LDLRAD4: variants seen among roughly 807,000 people sequenced by gnomAD.
LDLRAD4 encodes the protein low-density lipoprotein receptor class A domain-containing protein 4.
In LDLRAD4, 5 loss-of-function variants were observed where a neutral mutation model predicts 17.0. That is an observed-to-expected ratio of 0.29 (90% CI 0.15 to 0.62). The LOEUF is 0.62. LDLRAD4 is among the 20% of genes least tolerant of loss of function. LDLRAD4 has a pLI of 0.84. For synonymous variants in LDLRAD4, 168 were observed against 171.8 expected (o/e 0.98, Z 0.17); for missense variants, 340 against 424.7 (o/e 0.80, Z 1.75).
chr18:13,297,352 T>G (rs1275343922), intron 1 of LDLRAD4, among the ~76,000 whole-genome samples: 7 of 152,190 alleles, frequency 4.6e-5, no homozygotes, highest in Non-Finnish European at 1.0e-4. Context: ...TGCTCTGTGG[T>G]GCACCTGTGG....
At chr18:13,642,236 GC>G in intron 4 of LDLRAD4, 1 of 986,518 alleles carries the variant, frequency 1.0e-6, no homozygotes, top group Non-Finnish European at 1.2e-6. Flanking sequence ...CGCTGCTGGC[GC>G]CGGGGCCGTC....
In LDLRAD4 at chr18:13,612,528, G is replaced by A. The variant is rs2039671023; in HGVS notation, c.182-8589G>A. On this transcript the variant is annotated intron_variant, in intron 3 of 5. Transcript: ENST00000359446. The stretch of plus-strand genomic sequence containing the variant: ...CTGATACAGTAGAGAGAGAGTGAAC[G>A]AGGCAGACAGAAACACACCCCCCCC... 6 of 1,414,594 alleles carry A rather than the reference G, an allele frequency of 4.2e-6. No individual in the cohort carries two copies. The African/African-American group carries it at 7.7e-5, about 18-fold the overall frequency. 87.6% of individuals were successfully genotyped at this position (1,414,594 alleles called of 1,614,324 possible). A position where few individuals can be genotyped will look rare whatever the true frequency, so the allele number is the denominator to read the frequency against.
chr18:13,563,948 T>C (rs796593586), intron 3 of LDLRAD4, among the ~76,000 whole-genome samples: 15 of 151,972 alleles, frequency 9.9e-5, no homozygotes, highest in African/African-American at 3.6e-4. Context: ...CTCTCTCACC[T>C]AAACTGGAGT....
chr18:13,253,969 T>C (rs1012951039), intron 1 of LDLRAD4, among the ~76,000 whole-genome samples: 5 of 152,214 alleles, frequency 3.3e-5, no homozygotes, highest in Non-Finnish European at 5.9e-5. Flanking sequence ...GAAGGCCCTG[T>C]GCTTGGGGGC....
chr18:13,627,286 A>G (rs906484330), intron 4 of LDLRAD4, among the ~76,000 whole-genome samples: 1 of 152,192 alleles, frequency 6.6e-6, no homozygotes, highest in African/African-American at 2.4e-5. Context: ...AAAAATAAAA[A>G]TTGTGAGATT....
chr18:13,260,645 G>A (rs763723048), intron 1 of LDLRAD4, among the ~76,000 whole-genome samples: 63 of 152,248 alleles, frequency 4.1e-4, no homozygotes, highest in Admixed American at 9.8e-4. Context: ...ATTATTTATT[G>A]TTGCTATTCT....
chr18:13,473,412 G>A (rs1331614024), intron 3 of LDLRAD4, among the ~76,000 whole-genome samples: 3 of 152,026 alleles, frequency 2.0e-5, no homozygotes, highest in Non-Finnish European at 4.4e-5. Context: ...GCTCATGCCT[G>A]TAATCCCAGC....
intron 1 of LDLRAD4, among the ~76,000 whole-genome samples, chr18:13,298,691 C>T (rs748911102): frequency 6.6e-6 from 1 of 151,846 alleles, no homozygotes; most frequent in African/African-American, 2.4e-5. Flanking sequence ...GATGTTGCCG[C>T]TTTGGGCATG....
At chr18:13,348,456 G>A (rs1177267827) in intron 1 of LDLRAD4, among the ~76,000 whole-genome samples, 1 of 152,168 alleles carries the variant, frequency 6.6e-6, no homozygotes, top group Non-Finnish European at 1.5e-5. Context: ...GGAGTACCTG[G>A]CTGTGTGAGG....
At chr18:13,477,758 A>G (rs1286852143) in intron 3 of LDLRAD4, among the ~76,000 whole-genome samples, 1 of 152,148 alleles carries the variant, frequency 6.6e-6, no homozygotes, top group East Asian at 1.9e-4. Context: ...CCATGTTCGC[A>G]TTTTGGAAGG....
rs1600367949 is a variant in LDLRAD4 at position 13,448,640 on chromosome 18, A to G, written c.181+10256A>G. ...AAGGAGATATTGAGGTAAAGATGAG[A>G]TTGGGGGGCGGAGGCTGGGGGACCA... On this transcript the variant is annotated intron_variant, in intron 3 of 5. Coordinates refer to ENST00000359446, the Ensembl canonical transcript of LDLRAD4. 3.3e-5 allele frequency among the ~76,000 whole-genome samples: 5 copies of G among 150,206 alleles called. 1 individual carries two copies. In the South Asian group the frequency reaches 1.1e-3, roughly 32 times the overall value.
At chr18:13,508,766 C>T (rs1158149971) in intron 3 of LDLRAD4, among the ~76,000 whole-genome samples, 1 of 152,166 alleles carries the variant, frequency 6.6e-6, no homozygotes, top group Non-Finnish European at 1.5e-5. Context: ...TGATAGAGAC[C>T]TACAGAGAGG....
chr18:13,593,281 C>G (rs1355150772), intron 3 of LDLRAD4, among the ~76,000 whole-genome samples: 1 of 152,240 alleles, frequency 6.6e-6, no homozygotes, highest in Non-Finnish European at 1.5e-5. Context: ...CCATTACACT[C>G]TAGCCTCGGC....
chr18:13,252,472 A>T (rs767012649), intron 1 of LDLRAD4, among the ~76,000 whole-genome samples: 1 of 152,214 alleles, frequency 6.6e-6, no homozygotes, highest in Non-Finnish European at 1.5e-5. Flanking sequence ...GTGTACCGCT[A>T]GGTGCGGGGA....
chr18:13,415,230 AG>A lies in LDLRAD4; in HGVS notation c.41-23011del, dbSNP rs141529831. ...TCCTCTTGAGTTTCCTCCTCAGTTA[AG>A]GGATTATTCAGGTTTCCAAAACACA... On this transcript the variant is annotated intron_variant, in intron 2 of 5. Transcript: ENST00000359446. 6.3e-3 allele frequency among the ~76,000 whole-genome samples: 956 copies of A among 152,296 alleles called. 9 individuals are homozygous for A. Among genetic ancestry groups the A allele is most frequent in the African/African-American group, 0.022 (912 of 41,564 alleles).
In LDLRAD4 at chr18:13,645,654, CTGA is replaced by C. The variant is rs1219900754; in HGVS notation, c.920_*1del. The C allele has an allele frequency of 2.0e-6, 3 of 1,510,370 alleles. No homozygotes were observed. Among genetic ancestry groups the C allele is most frequent in the Non-Finnish European group, 2.7e-6 (3 of 1,130,916 alleles). 93.6% of individuals were successfully genotyped at this position (1,510,370 alleles called of 1,614,324 possible). On this transcript the variant is annotated stop_lost and inframe_deletion, in exon 6 of 6. Transcript: ENST00000359446. This position sits in a 1 kb window ranked among gnomAD's most constrained non-coding sequence, Gnocchi z 5.7. The stretch of plus-strand genomic sequence containing the variant: ...AAGATAGGAAGCCTGGGAACCTGGT[CTGA>C]TTCCTTCCAACGTGCACTTCAGCTG...
At chr18:13,471,244 G>T (rs78625966) in intron 3 of LDLRAD4, 2 of 152,172 alleles carry the variant, frequency 1.3e-5, no homozygotes, top group African/African-American at 4.8e-5. Context: ...AGACCCATGC[G>T]CTGGGTCTGG....
intron 3 of LDLRAD4, among the ~76,000 whole-genome samples, chr18:13,564,416 C>T (rs1335723090): frequency 1.3e-5 from 2 of 151,710 alleles, no homozygotes; most frequent in Non-Finnish European, 1.5e-5. Context: ...CCCCAGCGCT[C>T]GCCTTTGCCA....
At chr18:13,449,828 C>A in intron 3 of LDLRAD4, among the ~76,000 whole-genome samples, 1 of 152,142 alleles carries the variant, frequency 6.6e-6, no homozygotes, top group East Asian at 1.9e-4. Context: ...CCGCCGCAGG[C>A]CCTTGCATGC....
Sources: gnomAD v4.1 joint callset for allele counts (sites outside exome capture counted in the v4.1 genomes callset) on GRCh38, gnomAD v4.1.1 for gene constraint, Gnocchi (gnomAD v3.1) non-coding constraint, MANE v1.5 for transcripts, NCBI Gene and HGNC (gene_info 2026-07-23, HGNC 2026-07-21) for gene names.